PHF2: variants seen among roughly 807,000 people sequenced by gnomAD.
PHF2 encodes the protein lysine-specific demethylase PHF2.
PHF2 carries 27 observed loss-of-function variants against 120.5 expected under a neutral mutation model. That is an observed-to-expected ratio of 0.22 (90% CI 0.17 to 0.31). The LOEUF is 0.31. Ranked by LOEUF, PHF2 falls within the 10% of genes least tolerant of loss-of-function variation. The pLI is 1.00. For missense variants in PHF2, 1,024 were observed against 1,434.8 expected, an observed-to-expected ratio of 0.71 and a Z score of 4.63; for synonymous variants, 568 against 592.5, an observed-to-expected ratio of 0.96 and a Z score of 0.60.
chr9:93,667,342 G>A, intron 17 of PHF2, 102 bp downstream of exon 17: 2 of 1,416,232 alleles, frequency 1.4e-6, no homozygotes, highest in Non-Finnish European at 1.9e-6. Context: ...ACGCACAGCT[G>A]GAGCCAGTGC....
At chr9:93,620,815 G>A (rs954181922) in intron 1 of PHF2, among the ~76,000 whole-genome samples, 6 of 151,968 alleles carry the variant, frequency 3.9e-5, no homozygotes, top group African/African-American at 1.4e-4. Context: ...TTTTCGTTTT[G>A]CCAATTTTCT....
In PHF2 at chr9:93,663,034, G is replaced by A. The variant is rs1826605985; in HGVS notation, c.1818+8G>A. 6.2e-7 allele frequency: 1 copy of A among 1,614,080 alleles called. No homozygotes were observed. The highest frequency in any genetic ancestry group is 8.5e-7 in the Non-Finnish European group (1 of 1,179,954). On this transcript the variant is annotated splice_region_variant and intron_variant, in intron 13 of 21. Transcript: ENST00000359246. ...GCCAAGTGGAAGTACAAGGTGAGAAGTGCACATATGCATGCACACGTGTGT... is the reference window on the plus strand; with the variant it reads ...GCCAAGTGGAAGTACAAGGTGAGAAATGCACATATGCATGCACACGTGTGT...
rs762212759 is a variant in PHF2 at position 93,663,043 on chromosome 9, TGCA to T, written c.1818+18_1818+20del. On this transcript the variant is annotated intron_variant, in intron 13 of 21. Transcript: ENST00000359246. ...AAGTACAAGGTGAGAAGTGCACATA[TGCA>T]TGCACACGTGTGTGTGTCAGCTTGG... The T allele has an allele frequency of 1.2e-6, 2 of 1,613,966 alleles. No individual in the cohort carries two copies. Among genetic ancestry groups the T allele is most frequent in the Non-Finnish European group, 1.7e-6 (2 of 1,179,904 alleles).
intron 1 of PHF2, among the ~76,000 whole-genome samples, chr9:93,585,085 G>A (rs1231389977): frequency 6.6e-6 from 1 of 152,204 alleles, no homozygotes; most frequent in African/African-American, 2.4e-5. Context: ...AATGTGTGAT[G>A]ACTGAATTTA....
chr9:93,581,453 G>T (rs1373050623), intron 1 of PHF2, among the ~76,000 whole-genome samples: 1 of 152,162 alleles, frequency 6.6e-6, no homozygotes, highest in Non-Finnish European at 1.5e-5. Context: ...TTGTTGTGAT[G>T]TGTTTAGGAA....
chr9:93,664,902 G>A (rs74369348), intron 14 of PHF2, among the ~76,000 whole-genome samples: 9,321 of 152,334 alleles, frequency 0.061, 397 homozygotes, highest in Non-Finnish European at 0.089. Flanking sequence ...ATTGGAAGCC[G>A]CCTCACCTAG....
In PHF2 at chr9:93,643,903, C is replaced by T. The variant is rs147668341; in HGVS notation, c.300-1726C>T. ...CGTCCATATTTGCCTCTTCCTGTTC[C>T]CTCCCACTTTCTCAGCTATCACCAG... On this transcript the variant is annotated intron_variant, in intron 3 of 21. Transcript: ENST00000359246. Among the ~76,000 whole-genome samples, 603 of 152,256 alleles carry T rather than the reference C, an allele frequency of 4.0e-3. 5 individuals are homozygous for T. The highest frequency in any genetic ancestry group is 0.014 in the African/African-American group (565 of 41,542).
intron 16 of PHF2, 127 bp downstream of exon 16, chr9:93,666,187 T>G: frequency 3.5e-5 from 27 of 765,712 alleles, no homozygotes; most frequent in Non-Finnish European, 5.4e-5. Flanking sequence ...AGGGGCCCCT[T>G]ACCCTCACCC....
intron 1 of PHF2, among the ~76,000 whole-genome samples, chr9:93,587,341 G>A (rs1198212985): frequency 6.7e-6 from 1 of 148,808 alleles, no homozygotes; most frequent in South Asian, 2.2e-4. Context: ...AGAGCCCTGG[G>A]TGAGGGATGA....
rs1424789821 is a variant in PHF2 at position 93,596,449 on chromosome 9, G to A, written c.98+19578G>A. Among the ~76,000 whole-genome samples the A allele has an allele frequency of 3.9e-5, 6 of 152,098 alleles. No homozygotes were observed. The East Asian group carries it at 9.6e-4, about 24-fold the overall frequency. On this transcript the variant is annotated intron_variant, in intron 1 of 21. Coordinates refer to ENST00000359246, the MANE Select transcript of PHF2 (RefSeq NM_005392.4). The stretch of plus-strand genomic sequence containing the variant: ...AGCTGGTGTGTACTGTGATGTCTCA[G>A]CCCTAAAAACCTGCCCTTCTTGAAT...
chr9:93,584,020 GT>G (rs1862986090), intron 1 of PHF2, among the ~76,000 whole-genome samples: 1 of 152,014 alleles, frequency 6.6e-6, no homozygotes, highest in South Asian at 2.1e-4. Context: ...TAGAGATGGA[GT>G]TTCTCCATGT....
rs1486293425 is a variant in PHF2, at chr9:93,656,696, C to A, written c.1147+101C>A. ...ACTGTCTGGGTGTGAGTGCCGCCTT[C>A]CTGTGGCCTGAGCAAGTCCTCTTGG... is the stretch of plus-strand genomic sequence containing the variant. On this transcript the variant is annotated intron_variant, in intron 9 of 21. Coordinates refer to ENST00000359246, the MANE Select transcript of PHF2 (RefSeq NM_005392.4). The surrounding 1 kb of genome is among the most constrained non-coding windows in gnomAD (Gnocchi z 4.1). The A allele has an allele frequency of 5.2e-6, 4 of 775,082 alleles. No individual in the cohort carries two copies. The highest frequency in any genetic ancestry group is 1.5e-5 in the South Asian group (1 of 64,868). 48.0% of individuals were successfully genotyped at this position (775,082 alleles called of 1,614,324 possible).
chr9:93,639,480 A>C (rs370994696), intron 3 of PHF2, among the ~76,000 whole-genome samples: 54 of 152,276 alleles, frequency 3.5e-4, no homozygotes, highest in African/African-American at 1.2e-3. Context: ...AGGGTTCCTT[A>C]GTATTTTATA....
chr9:93,652,855 C>T (rs1042884575), intron 5 of PHF2, among the ~76,000 whole-genome samples: 1 of 152,158 alleles, frequency 6.6e-6, no homozygotes. Context: ...GCACATGGCA[C>T]GTGGCCAGTC....
intron 1 of PHF2, among the ~76,000 whole-genome samples, chr9:93,587,327 T>C (rs1411857313): frequency 2.6e-5 from 3 of 113,900 alleles, no homozygotes; most frequent in Non-Finnish European, 3.5e-5. Flanking sequence ...TGAGGGATGA[T>C]GGAAGAGCCC....
chr9:93,590,771 A>G (rs931969488), intron 1 of PHF2, among the ~76,000 whole-genome samples: 1 of 152,144 alleles, frequency 6.6e-6, no homozygotes, highest in African/African-American at 2.4e-5. Flanking sequence ...CCTTCCCCTG[A>G]AGGGACCACC....
chr9:93,648,901 G>A (rs1444339346), intron 4 of PHF2, among the ~76,000 whole-genome samples, 170 bp from the exon 5 acceptor site: 1 of 152,000 alleles, frequency 6.6e-6, no homozygotes, highest in Non-Finnish European at 1.5e-5. Context: ...CAGGGGAAAA[G>A]CAGGCAGGTG....
At chr9:93,612,316 T>C (rs1564380691) in intron 1 of PHF2, among the ~76,000 whole-genome samples, 1 of 108,194 alleles carries the variant, frequency 9.2e-6, no homozygotes, top group Admixed American at 9.2e-5. Context: ...CAAGAAGTTT[T>C]TACTAATGTG....
intron 14 of PHF2, 127 bp from the exon 15 acceptor site, chr9:93,665,558 TG>T: frequency 1.0e-6 from 1 of 956,100 alleles, no homozygotes; most frequent in Non-Finnish European, 1.5e-6. Context: ...ATTCAAATAG[TG>T]GCAACGTCAC....
Sources: gnomAD v4.1 joint callset for allele counts (sites outside exome capture counted in the v4.1 genomes callset) on GRCh38, gnomAD v4.1.1 for gene constraint, Gnocchi (gnomAD v3.1) non-coding constraint, MANE v1.5 for transcripts, NCBI Gene and HGNC (gene_info 2026-07-23, HGNC 2026-07-21) for gene names.